PCDHA6: variants seen among roughly 807,000 people sequenced by gnomAD.
The protein encoded by PCDHA6 is protocadherin alpha-6.
In PCDHA6, 55 loss-of-function variants were observed where a neutral mutation model predicts 60.3. The observed-to-expected ratio is 0.91, with a 90% CI of 0.73 to 1.14. The LOEUF (loss-of-function observed/expected upper bound fraction) is 1.14. PCDHA6 is among the 50% of genes most tolerant of loss of function. The pLI is 0.00. For synonymous variants in PCDHA6, 652 were observed against 557.9 expected (o/e 1.17, Z -2.38); for missense variants, 1,327 against 1,256.5 (o/e 1.06, Z -0.85).
intron 1 of PCDHA6, among the ~76,000 whole-genome samples, chr5:140,917,447 A>T (rs155358): frequency 0.58 from 87,947 of 151,944 alleles, 26,404 homozygotes; most frequent in African/African-American, 0.75. Flanking sequence ...TTGCTGCAAG[A>T]GCGTTTGGCA....
chr5:140,898,905 C>T (rs1313193763), intron 1 of PCDHA6, among the ~76,000 whole-genome samples: 5 of 152,060 alleles, frequency 3.3e-5, no homozygotes, highest in South Asian at 2.1e-4. Context: ...AGGTCCTTCA[C>T]GTCCCTTGTA....
At chr5:140,876,945 C>T (rs1405794987) in intron 1 of PCDHA6, 2 of 1,613,474 alleles carry the variant, frequency 1.2e-6, no homozygotes, top group East Asian at 2.2e-5. Flanking sequence ...CGCTGGTGTC[C>T]TACTCGCTGG....
chr5:140,912,145 C>T (rs561351882), intron 1 of PCDHA6, among the ~76,000 whole-genome samples: 1 of 152,302 alleles, frequency 6.6e-6, no homozygotes, highest in African/African-American at 2.4e-5. Flanking sequence ...CCATGTTCTT[C>T]TGCCTGTTTT....
intron 1 of PCDHA6, among the ~76,000 whole-genome samples, chr5:140,921,954 C>A (rs970694644): frequency 2.0e-5 from 3 of 151,586 alleles, no homozygotes; most frequent in African/African-American, 7.3e-5. Context: ...TGTAAAATCC[C>A]AGAAAACCAA....
intron 1 of PCDHA6, among the ~76,000 whole-genome samples, chr5:140,887,801 G>C (rs1377550372): frequency 1.3e-5 from 2 of 151,856 alleles, no homozygotes; most frequent in Admixed American, 1.3e-4. Context: ...CTTTATTTTT[G>C]TCCATTTCTT....
rs1263615997 is a variant in PCDHA6 at position 140,926,760 on chromosome 5, A to ATAC, written c.2395-52188_2395-52187insACT. ...GGCGCAACGTCGGCGGTCGCTGAGT[A>ATAC]TCCAGCCCGCAGCAGTGACGGCCGG... On this transcript the variant is annotated intron_variant, in intron 1 of 3. Transcript: ENST00000529310. The ATAC allele has an allele frequency of 6.1e-6, 8 of 1,312,248 alleles. No homozygotes were observed. The African/African-American group carries it at 1.2e-4, about 20-fold the overall frequency. The allele number at this position is 1,312,248 out of a possible 1,614,324, so 81.3% of individuals were successfully genotyped here.
intron 1 of PCDHA6, chr5:140,877,567 T>C (rs1487907484): frequency 6.2e-7 from 1 of 1,613,664 alleles, no homozygotes; most frequent in East Asian, 2.2e-5. Context: ...TATTAACGTG[T>C]ACCTCATCAT....
At chr5:140,973,414 C>G (rs992904408) in intron 1 of PCDHA6, among the ~76,000 whole-genome samples, 1 of 152,204 alleles carries the variant, frequency 6.6e-6, no homozygotes, top group Non-Finnish European at 1.5e-5. Flanking sequence ...GCTTCCACTC[C>G]AGTTTTTCAT....
chr5:140,849,642 G>T (rs2150443693), intron 1 of PCDHA6: 2 of 1,598,700 alleles, frequency 1.3e-6, no homozygotes, highest in Non-Finnish European at 1.7e-6. Flanking sequence ...AGATGCCAAC[G>T]GGCAGGTTAC....
intron 1 of PCDHA6, chr5:140,858,501 T>C: frequency 6.8e-7 from 1 of 1,464,942 alleles, no homozygotes; most frequent in Non-Finnish European, 9.4e-7. Context: ...TACCGCATTT[T>C]CTCAAATATG....
At chr5:140,842,886 C>A in intron 1 of PCDHA6, 1 of 1,594,202 alleles carries the variant, frequency 6.3e-7, no homozygotes, top group East Asian at 2.2e-5. Context: ...GCGCTGCAGC[C>A]GCTGGACCAC....
chr5:140,865,854 C>T (rs1029695094), intron 1 of PCDHA6: 1 of 152,144 alleles, frequency 6.6e-6, no homozygotes, highest in Non-Finnish European at 1.5e-5. Context: ...TTTCTCTGCT[C>T]AAACATGGTC....
intron 1 of PCDHA6, chr5:140,871,489 G>T: frequency 1.3e-6 from 2 of 1,590,138 alleles, no homozygotes; most frequent in Non-Finnish European, 1.7e-6. Flanking sequence ...AAATCACCCC[G>T]GACAGGTGAG....
chr5:140,969,343 G>A (rs2096321775), intron 1 of PCDHA6: 23 of 1,613,728 alleles, frequency 1.4e-5, no homozygotes, highest in Non-Finnish European at 1.9e-5. Flanking sequence ...TGAGACAGTG[G>A]TCAGGGGGTC....
chr5:140,838,904 T>C (rs1357906412), intron 1 of PCDHA6, among the ~76,000 whole-genome samples: 2 of 151,878 alleles, frequency 1.3e-5, no homozygotes, highest in Non-Finnish European at 2.9e-5. Flanking sequence ...GACAGAGCAA[T>C]ACCTTGCCTC....
chr5:140,919,660 T>C (rs561238136), intron 1 of PCDHA6, among the ~76,000 whole-genome samples: 1 of 152,360 alleles, frequency 6.6e-6, no homozygotes, highest in African/African-American at 2.4e-5. Flanking sequence ...TTACCATATA[T>C]ATTTTAGCTT....
At chr5:140,849,467 TA>T (rs2040919541) in intron 1 of PCDHA6, 1 of 1,589,264 alleles carries the variant, frequency 6.3e-7, no homozygotes, top group African/African-American at 1.4e-5. Flanking sequence ...AGGCTGTCGA[TA>T]AAGGCTTCCC....
At chr5:140,869,323 C>T in intron 1 of PCDHA6, 1 of 1,613,864 alleles carries the variant, frequency 6.2e-7, no homozygotes, top group South Asian at 1.1e-5. Flanking sequence ...ACATGGGGAC[C>T]TTCTGGAGGT....
intron 1 of PCDHA6, among the ~76,000 whole-genome samples, chr5:140,896,506 A>G (rs1231827987): frequency 2.7e-5 from 4 of 150,856 alleles, no homozygotes; most frequent in African/African-American, 9.7e-5. Flanking sequence ...GGGACTGTGC[A>G]GGCACACACC....
Sources: gnomAD v4.1 joint callset for allele counts (sites outside exome capture counted in the v4.1 genomes callset) on GRCh38, gnomAD v4.1.1 for gene constraint, MANE v1.5 for transcripts, NCBI Gene and HGNC (gene_info 2026-07-23, HGNC 2026-07-21) for gene names.